Variants in CHSY3 observed in about 807,000 individuals in gnomAD.
The protein encoded by CHSY3 is chondroitin sulfate synthase 3, also known as N-acetylgalactosaminyl-proteoglycan 3-beta-glucuronosyltransferase 3.
In CHSY3, 35 loss-of-function variants were observed where a neutral mutation model predicts 67.2. The ratio of observed to expected loss-of-function variants is 0.52; its 90% CI spans 0.40 to 0.69. The LOEUF (loss-of-function observed/expected upper bound fraction) is 0.69, where lower values mean the gene tolerates loss of function less well. Among genes scored for constraint, CHSY3 ranks in the 30% least tolerant of loss-of-function variants. CHSY3 has a pLI of 0.00. For synonymous variants in CHSY3, 474 were observed against 434.7 expected, an observed-to-expected ratio of 1.09 and a Z score of -1.12; for missense variants, 1,069 against 1,138.5, an observed-to-expected ratio of 0.94 and a Z score of 0.88.
intron 2 of CHSY3, among the ~76,000 whole-genome samples, chr5:129,920,950 C>T (rs1455790989): frequency 6.6e-6 from 1 of 152,112 alleles, no homozygotes; most frequent in African/African-American, 2.4e-5. Context: ...TCCTGAGCAG[C>T]TGAGACTGCA....
At chr5:129,950,714 A>G (rs1761999875) in intron 2 of CHSY3, among the ~76,000 whole-genome samples, 1 of 152,228 alleles carries the variant, frequency 6.6e-6, no homozygotes, top group Non-Finnish European at 1.5e-5. Flanking sequence ...AGGTGGTGAA[A>G]GAGCTGTACA....
intron 2 of CHSY3, among the ~76,000 whole-genome samples, chr5:129,958,201 G>C (rs1762233041): frequency 2.0e-5 from 3 of 152,028 alleles, no homozygotes; most frequent in Admixed American, 2.0e-4. Context: ...TTGCTATCTT[G>C]AATTATCAAT....
chr5:129,934,766 C>T (rs921173498), intron 2 of CHSY3, among the ~76,000 whole-genome samples: 2 of 151,992 alleles, frequency 1.3e-5, no homozygotes, highest in African/African-American at 4.8e-5. Flanking sequence ...TTTCCAATAG[C>T]GGTCTGTTGT....
At chr5:130,014,705 CT>C (rs1188053780) in intron 2 of CHSY3, among the ~76,000 whole-genome samples, 2 of 152,234 alleles carry the variant, frequency 1.3e-5, no homozygotes, top group Non-Finnish European at 1.5e-5. Flanking sequence ...TAAAAATTAA[CT>C]CAAGAGGGAT....
chr5:130,167,351 T>C (rs1271821605), intron 2 of CHSY3, among the ~76,000 whole-genome samples: 1 of 152,090 alleles, frequency 6.6e-6, no homozygotes, highest in African/African-American at 2.4e-5. Context: ...GCTGTCTTTG[T>C]TGATGATTAC....
intron 2 of CHSY3, among the ~76,000 whole-genome samples, chr5:130,180,366 T>A (rs1171726443): frequency 6.6e-6 from 1 of 152,154 alleles, no homozygotes; most frequent in East Asian, 1.9e-4. Flanking sequence ...AGTGTATAAT[T>A]TACATTCCAC....
intron 2 of CHSY3, among the ~76,000 whole-genome samples, chr5:129,948,101 A>G (rs945260668): frequency 6.6e-6 from 1 of 152,202 alleles, no homozygotes; most frequent in Non-Finnish European, 1.5e-5. Flanking sequence ...GTGCTGCTAA[A>G]CAAAATTGAC....
At chr5:130,128,253 T>TGTGTGTGCGCGC (rs760472284) in intron 2 of CHSY3, among the ~76,000 whole-genome samples, 1 of 150,910 alleles carries the variant, frequency 6.6e-6, no homozygotes, top group South Asian at 2.1e-4. Flanking sequence ...TGTGTGTGTG[T>TGTGTGTGCGCGC]GCGCTCACAT....
chr5:130,001,741 T>G, intron 2 of CHSY3: 2 of 838,800 alleles, frequency 2.4e-6, no homozygotes, highest in Non-Finnish European at 2.9e-6. Context: ...TCTATGCTCA[T>G]AAAAATTGGC....
intron 2 of CHSY3, among the ~76,000 whole-genome samples, chr5:130,003,594 C>CGTACAT (rs776795397): frequency 1.3e-5 from 2 of 151,816 alleles, no homozygotes; most frequent in Non-Finnish European, 2.9e-5. Flanking sequence ...ACTCTGAAGG[C>CGTACAT]AAGACAAAGA....
At chr5:130,169,535 C>CA (rs1033172491) in intron 2 of CHSY3, among the ~76,000 whole-genome samples, 2 of 151,768 alleles carry the variant, frequency 1.3e-5, no homozygotes, top group Non-Finnish European at 2.9e-5. Context: ...ATCCTTCAAA[C>CA]AAAAAAATCC....
intron 2 of CHSY3, among the ~76,000 whole-genome samples, chr5:130,154,702 A>T (rs1769322703): frequency 6.6e-6 from 1 of 152,158 alleles, no homozygotes; most frequent in South Asian, 2.1e-4. Flanking sequence ...GGAGGTGTTT[A>T]TATGTTGTTG....
At chr5:129,951,021 G>A (rs1403192975) in intron 2 of CHSY3, among the ~76,000 whole-genome samples, 1 of 152,118 alleles carries the variant, frequency 6.6e-6, no homozygotes, top group Admixed American at 6.6e-5. Context: ...TCAAAACAGT[G>A]TAGTACTGGC....
At chr5:129,927,176 A>T (rs1310551897) in intron 2 of CHSY3, among the ~76,000 whole-genome samples, 4 of 151,730 alleles carry the variant, frequency 2.6e-5, no homozygotes, top group African/African-American at 9.7e-5. Context: ...TATGTTCTTT[A>T]TGCCTCTAAT....
Position 130,017,243 on chromosome 5 carries a change from G to A in CHSY3, c.1086+108883G>A, listed in dbSNP as rs114111715. On this transcript the variant is annotated intron_variant, in intron 2 of 2. Coordinates refer to ENST00000305031, the MANE Select transcript of CHSY3 (RefSeq NM_175856.5). ...GCTATGCAGGTGTGGAAGTTCGAGT[G>A]TATGGTTAGTGTTCAGGTTGCTGCC... Among the ~76,000 whole-genome samples the A allele has an allele frequency of 4.8e-3, 730 of 152,126 alleles. 1 individual carries two copies. The highest frequency in any genetic ancestry group is 7.4e-3 in the Non-Finnish European group (502 of 67,998).
Position 130,184,886 on chromosome 5 carries a change from A to C in CHSY3, c.1744A>C (p.Ser582Arg), listed in dbSNP as rs1770366495. 6.4e-7 allele frequency: 1 copy of C among 1,559,996 alleles called. No homozygotes were observed. The highest frequency in any genetic ancestry group is 8.8e-7 in the Non-Finnish European group (1 of 1,130,718). The change falls in exon 3 of 3, where the codon AGT becomes CGT. Residue 582 changes from serine (S) to arginine (R), a missense_variant. By Grantham distance (110) the Ser-to-Arg change is moderately radical. Coordinates refer to ENST00000305031, the MANE Select transcript of CHSY3 (RefSeq NM_175856.5). ...AGAGACCGAAGAGCTAGATGTCAACAGTCTTGTGGAGAGTATTAACAGTGA... is the reference window on the plus strand; with the variant it reads ...AGAGACCGAAGAGCTAGATGTCAACCGTCTTGTGGAGAGTATTAACAGTGA... ...FRETEELDVNSLVESINSETQ... is the reference protein window; with the variant it reads ...FRETEELDVNRLVESINSETQ...
chr5:130,185,269 C>G lies in CHSY3; in HGVS notation c.2127C>G (p.Asp709Glu). 2 of 1,608,974 alleles carry G rather than the reference C, an allele frequency of 1.2e-6. No individual in the cohort carries two copies. The highest frequency in any genetic ancestry group is 2.2e-5 in the South Asian group (2 of 90,988). ...LGLEMASAQF[D>E]NDTLLLFCDV... Reference sequence around the variant, plus strand: ...TTGAAATGGCTTCTGCCCAGTTTGACAATGACACTTTGCTGCTATTTTGTG... The same window carrying G: ...TTGAAATGGCTTCTGCCCAGTTTGAGAATGACACTTTGCTGCTATTTTGTG... The change falls in exon 3 of 3, where the codon GAC becomes GAG. Residue 709 changes from aspartate to glutamate, a missense_variant. By Grantham distance (45) the Asp-to-Glu change is conservative (BLOSUM62 2). Around this residue, in one of 5 missense-constraint regions of CHSY3, gnomAD observed 401 missense variants for 395.2 expected, o/e 1.01. Coordinates refer to ENST00000305031, the MANE Select transcript of CHSY3 (RefSeq NM_175856.5).
chr5:130,012,201 A>C (rs1345237063), intron 2 of CHSY3, among the ~76,000 whole-genome samples: 2 of 152,218 alleles, frequency 1.3e-5, no homozygotes, highest in African/African-American at 4.8e-5. Context: ...GTCAAACTAC[A>C]AATGCTGCCG....
intron 2 of CHSY3, among the ~76,000 whole-genome samples, chr5:130,169,257 T>C (rs1199382790): frequency 6.6e-6 from 1 of 152,138 alleles, no homozygotes; most frequent in Admixed American, 6.6e-5. Context: ...ATAATGAATA[T>C]AAATTTTTCA....
Sources: allele counts gnomAD v4.1 joint callset (sites outside exome capture counted in the v4.1 genomes callset), GRCh38; gene constraint gnomAD v4.1.1; regional missense constraint gnomAD v4.1.1; transcripts MANE v1.5; gene names NCBI Gene and HGNC (gene_info 2026-07-23, HGNC 2026-07-21).